The following ADCY8 variants were observed in gnomAD, a reference collection of about 807,000 sequenced individuals.
The protein encoded by ADCY8 is adenylate cyclase 8, also known as adenylate cyclase type 8.
Under a neutral mutation model 119.7 loss-of-function variants are expected in ADCY8, and 51 were observed. The observed-to-expected ratio is 0.43, with a 90% confidence interval of 0.34 to 0.54. ADCY8 has a LOEUF of 0.54. ADCY8 is among the 20% of genes least tolerant of loss of function. The pLI is 0.03. For missense variants in ADCY8, 1,383 were observed against 1,598.8 expected (o/e 0.87, Z 2.30); for synonymous variants, 665 against 651.0 (o/e 1.02, Z -0.33).
chr8:130,905,463 T>C (rs1819751285), intron 6 of ADCY8, among the ~76,000 whole-genome samples: 1 of 152,242 alleles, frequency 6.6e-6, no homozygotes, highest in Non-Finnish European at 1.5e-5. Flanking sequence ...AAAGTCATCT[T>C]CCTAAGTTTA....
In ADCY8 at chr8:130,815,379, T is replaced by C. The variant is rs1816304800; in HGVS notation, c.2755-1152A>G. 2.0e-5 allele frequency among the ~76,000 whole-genome samples: 3 copies of C among 152,236 alleles called. No homozygotes were observed. In the South Asian group the frequency reaches 6.2e-4, roughly 32 times the overall value. ...CACAGGGCAGGCACTTAATATTTGA[T>C]GGCTCATTAAATAAGTTATCATAAT... On this transcript the variant is annotated intron_variant, in intron 13 of 17. Transcript: ENST00000286355.
At chr8:130,971,031 G>A (rs1290890594) in intron 2 of ADCY8, among the ~76,000 whole-genome samples, 2 of 152,168 alleles carry the variant, frequency 1.3e-5, no homozygotes, top group Non-Finnish European at 2.9e-5. Flanking sequence ...ATAACATTAG[G>A]TACTGATGTT....
At chr8:130,829,525 A>G (rs1029933198) in intron 12 of ADCY8, among the ~76,000 whole-genome samples, 2 of 142,322 alleles carry the variant, frequency 1.4e-5, no homozygotes, top group African/African-American at 4.9e-5. Flanking sequence ...CCTAAAGACA[A>G]TAGTTGGTTG....
chr8:130,910,133 C>T (rs1444849572), intron 5 of ADCY8, among the ~76,000 whole-genome samples: 1 of 152,028 alleles, frequency 6.6e-6, no homozygotes. Context: ...CCACGCCCGT[C>T]CACCTCTTCA....
chr8:130,907,584 T>G (rs1819829662), intron 6 of ADCY8, among the ~76,000 whole-genome samples: 2 of 152,192 alleles, frequency 1.3e-5, no homozygotes, highest in African/African-American at 4.8e-5. Context: ...GGGAAGGGCA[T>G]GAAGTACTTG....
intron 8 of ADCY8, among the ~76,000 whole-genome samples, chr8:130,881,680 T>A (rs1818777494): frequency 6.6e-6 from 1 of 152,110 alleles, no homozygotes; most frequent in African/African-American, 2.4e-5. Context: ...AATAAAAATG[T>A]TCAATTTTCC....
intron 5 of ADCY8, among the ~76,000 whole-genome samples, chr8:130,916,151 G>A (rs941034867): frequency 6.6e-5 from 10 of 152,162 alleles, no homozygotes; most frequent in Non-Finnish European, 1.2e-4. Context: ...ATTTCACCCC[G>A]GGTGTATAAG....
chr8:130,917,799 T>C (rs1274568446), intron 5 of ADCY8, among the ~76,000 whole-genome samples: 4 of 147,060 alleles, frequency 2.7e-5, no homozygotes, highest in South Asian at 2.1e-4. Context: ...GTGTTGGGGG[T>C]GAAACCATTG....
intron 15 of ADCY8, among the ~76,000 whole-genome samples, chr8:130,791,127 GCT>G (rs1197778065): frequency 6.6e-6 from 1 of 152,190 alleles, no homozygotes; most frequent in Non-Finnish European, 1.5e-5. Flanking sequence ...CATAAATCCT[GCT>G]CTCTCTCATG....
intron 2 of ADCY8, among the ~76,000 whole-genome samples, chr8:130,972,749 T>C (rs1374316110): frequency 6.6e-6 from 1 of 152,174 alleles, no homozygotes; most frequent in Non-Finnish European, 1.5e-5. Context: ...CCTGGTCTTA[T>C]GCTACCTGTG....
chr8:130,965,750 G>T (rs910233414), intron 2 of ADCY8, among the ~76,000 whole-genome samples: 2 of 152,198 alleles, frequency 1.3e-5, no homozygotes. Context: ...TATTTCAAAA[G>T]AATAGATAAT....
intron 1 of ADCY8, among the ~76,000 whole-genome samples, chr8:131,032,137 A>G (rs1223268962): frequency 6.6e-6 from 1 of 152,220 alleles, no homozygotes; most frequent in Non-Finnish European, 1.5e-5. Context: ...GGCACTGTAG[A>G]TGGAAACGGC....
intron 2 of ADCY8, among the ~76,000 whole-genome samples, chr8:130,988,565 A>C (rs1212892764): frequency 6.6e-6 from 1 of 152,218 alleles, no homozygotes; most frequent in African/African-American, 2.4e-5. Flanking sequence ...CCTATGGTGG[A>C]AAGTTAAGTA....
chr8:130,804,140 T>C (rs72712446), intron 14 of ADCY8, among the ~76,000 whole-genome samples: 6,564 of 152,316 alleles, frequency 0.043, 214 homozygotes, highest in Non-Finnish European at 0.061. Context: ...GGAAAGTCTC[T>C]GTTTACTGTA....
rs113078329 is a variant in ADCY8 at position 130,990,440 on chromosome 8, T to G, written c.1063A>C (p.Arg355=). The change falls in exon 2 of 18, where the codon AGG becomes CGG. Residue 355 remains arginine, a synonymous_variant. Coordinates refer to ENST00000286355, the MANE Select transcript of ADCY8 (RefSeq NM_001115.3). Reference sequence around the variant, plus strand: ...AGGCGCAGCCTGGCCTCCACACACCTCCGAGTCTCCAGGAAAGCTTGGCGC... The same window carrying G: ...AGGCGCAGCCTGGCCTCCACACACCGCCGAGTCTCCAGGAAAGCTTGGCGC... ...AQRQAFLETR[R]CVEARLRLET... is the part of the protein sequence containing the mutation. The G allele has an allele frequency of 1.2e-5, 20 of 1,614,076 alleles. No homozygotes were observed. The highest frequency in any genetic ancestry group is 5.0e-5 in the Admixed American group (3 of 60,002).
intron 2 of ADCY8, among the ~76,000 whole-genome samples, chr8:130,980,982 C>A (rs1212723859): frequency 6.6e-6 from 1 of 152,202 alleles, no homozygotes; most frequent in Non-Finnish European, 1.5e-5. Flanking sequence ...GTCTACCCCC[C>A]ACGTCTGCTA....
intron 2 of ADCY8, among the ~76,000 whole-genome samples, chr8:130,955,488 G>T (rs1211121342): frequency 6.6e-6 from 1 of 151,944 alleles, no homozygotes; most frequent in Non-Finnish European, 1.5e-5. Flanking sequence ...AATTACCACT[G>T]CAATTAGTGG....
Position 130,780,770 on chromosome 8 carries a change from C to T in ADCY8, c.3376G>A (p.Val1126Ile). 2.5e-6 allele frequency: 4 copies of T among 1,614,226 alleles called. No individual in the cohort carries two copies. Among genetic ancestry groups the T allele is most frequent in the Non-Finnish European group, 3.4e-6 (4 of 1,180,032 alleles). Residue 1126 changes from valine (V) to isoleucine (I), a missense_variant, in exon 18 of 18, where the codon GTT becomes ATT. By Grantham distance (29) the Val-to-Ile change is conservative (BLOSUM62 3). Coordinates refer to ENST00000286355, the MANE Select transcript of ADCY8 (RefSeq NM_001115.3). ...TCTGGGACTTGGATCCGGCCACTAA[C>T]CCCCGTGCTGTCCATTCGGCTTGCC... is the stretch of plus-strand genomic sequence containing the variant. ...NLASRMDSTG[V>I]SGRIQVPEET...
intron 8 of ADCY8, among the ~76,000 whole-genome samples, chr8:130,876,946 C>G (rs1818590414): frequency 6.6e-6 from 1 of 152,134 alleles, no homozygotes; most frequent in Non-Finnish European, 1.5e-5. Flanking sequence ...ACAGTGAACT[C>G]TACTTGAATC....
Sources: allele counts gnomAD v4.1 joint callset (sites outside exome capture counted in the v4.1 genomes callset), GRCh38; gene constraint gnomAD v4.1.1; transcripts MANE v1.5; gene names NCBI Gene and HGNC (gene_info 2026-07-23, HGNC 2026-07-21).